Variants in TLE1 observed in about 807,000 individuals in gnomAD.
The protein encoded by TLE1 is transducin-like enhancer protein 1.
TLE1 carries 21 observed loss-of-function variants against 89.8 expected under a neutral mutation model. The observed-to-expected ratio is 0.23, with a 90% CI of 0.17 to 0.34. The LOEUF (loss-of-function observed/expected upper bound fraction) is 0.34, where lower values mean the gene tolerates loss of function less well. Ranked by LOEUF, TLE1 falls within the 10% of genes least tolerant of loss-of-function variation. The pLI, the probability that TLE1 is intolerant of heterozygous loss-of-function variation, is 1.00. For missense variants in TLE1, 795 were observed against 1,031.2 expected (o/e 0.77, Z 3.14); for synonymous variants, 447 against 407.6 (o/e 1.10, Z -1.16).
intron 17 of TLE1, 27 bp from the exon 18 acceptor site, chr9:81,585,682 A>G (rs778442298): frequency 1.2e-6 from 2 of 1,611,560 alleles, no homozygotes; most frequent in Non-Finnish European, 1.7e-6. Context: ...AGGCTCACTC[A>G]TTATTCCGCC....
chr9:81,630,091 C>T (rs1358569060), intron 8 of TLE1, among the ~76,000 whole-genome samples: 8 of 151,622 alleles, frequency 5.3e-5, no homozygotes, highest in African/African-American at 1.9e-4. Flanking sequence ...CTGATTTCTG[C>T]ACTTGGTATA....
chr9:81,655,059 G>T (rs115504888), intron 4 of TLE1, among the ~76,000 whole-genome samples: 2 of 152,058 alleles, frequency 1.3e-5, no homozygotes, highest in Admixed American at 1.3e-4. Context: ...TCTATAGCAC[G>T]GGCTGTTTTA....
At chr9:81,652,140 T>TA in intron 6 of TLE1, 74 bp downstream of exon 6, 1 of 858,566 alleles carries the variant, frequency 1.2e-6, no homozygotes, top group Non-Finnish European at 1.7e-6. Flanking sequence ...CACACACACG[T>TA]AAAGCCATCA....
At chr9:81,603,529 G>A (rs901292900) in intron 14 of TLE1, among the ~76,000 whole-genome samples, 1 of 152,126 alleles carries the variant, frequency 6.6e-6, no homozygotes, top group Non-Finnish European at 1.5e-5. Context: ...CTTATCACCA[G>A]AGTCTGGGAA....
intron 14 of TLE1, 22 bp downstream of exon 14, chr9:81,610,198 C>T (rs773369890): frequency 1.4e-5 from 22 of 1,607,924 alleles, no homozygotes; most frequent in Non-Finnish European, 1.8e-5. Flanking sequence ...TAAAACAAAA[C>T]CAAGGTCTTT....
intron 6 of TLE1, among the ~76,000 whole-genome samples, chr9:81,646,148 AAT>A (rs1161382727): frequency 2.0e-5 from 3 of 152,208 alleles, no homozygotes; most frequent in Non-Finnish European, 2.9e-5. Context: ...AAAGGAAAGA[AAT>A]ATGTGGGGAA....
chr9:81,681,943 G>C (rs539853562), intron 4 of TLE1, among the ~76,000 whole-genome samples: 1 of 152,230 alleles, frequency 6.6e-6, no homozygotes, highest in Non-Finnish European at 1.5e-5. Flanking sequence ...CAGCATGAGG[G>C]GATAGGAAGA....
intron 13 of TLE1, 67 bp from the exon 14 acceptor site, chr9:81,610,363 T>C (rs1823542684): frequency 6.0e-6 from 7 of 1,176,202 alleles, no homozygotes; most frequent in Non-Finnish European, 3.7e-6. Flanking sequence ...ACATCAATAC[T>C]GTTCATTAGA....
chr9:81,666,783 A>ATAAG (rs79025567), intron 4 of TLE1, among the ~76,000 whole-genome samples: 1 of 126,524 alleles, frequency 7.9e-6, no homozygotes, highest in Non-Finnish European at 1.9e-5. Context: ...CACAAAATAA[A>ATAAG]TAAATAAATA....
rs769857494 is a variant in TLE1 at position 81,620,541 on chromosome 9, A to G, written c.611T>C (p.Val204Ala). The G allele has an allele frequency of 1.2e-6, 2 of 1,611,474 alleles. No homozygotes were observed. The highest frequency in any genetic ancestry group is 1.7e-6 in the Non-Finnish European group (2 of 1,179,420). ...REPGTSNSLL[V>A]PDSLRGTDKR... is the part of the protein sequence containing the mutation. ...ATCTGTGCCTCTTAGACTGTCTGGG[A>G]CCAGGAGGGAATTACTCTGCAAGAC... is the stretch of plus-strand genomic sequence containing the variant. Residue 204 changes from valine (V) to alanine (A), a missense_variant, in exon 9 of 20, where the codon GTC becomes GCC. Transcript: ENST00000376499.
chr9:81,647,193 G>C (rs1223850914), intron 6 of TLE1, among the ~76,000 whole-genome samples: 1 of 152,156 alleles, frequency 6.6e-6, no homozygotes, highest in Admixed American at 6.5e-5. Context: ...GTGGACGGGA[G>C]GACAGTCCCC....
At chr9:81,678,302 T>C (rs1833156188) in intron 4 of TLE1, among the ~76,000 whole-genome samples, 2 of 152,190 alleles carry the variant, frequency 1.3e-5, no homozygotes, top group Non-Finnish European at 1.5e-5. Flanking sequence ...TCCCCACTCC[T>C]GGGATCAAAA....
intron 4 of TLE1, among the ~76,000 whole-genome samples, chr9:81,683,491 C>G (rs1192595918): frequency 6.6e-6 from 1 of 152,128 alleles, no homozygotes; most frequent in Non-Finnish European, 1.5e-5. Context: ...TGGCTACACC[C>G]TGGGGGCCAG....
At position 81,689,505 on chromosome 9, in the gene TLE1, T is replaced by TCCCACCGCCGCCGCC. The variant is rs1263804037; in HGVS notation, c.-1280_-1266dup. Among the ~76,000 whole-genome samples the TCCCACCGCCGCCGCC allele has an allele frequency of 5.3e-5, 8 of 152,000 alleles. No individual in the cohort carries two copies. The highest frequency in any genetic ancestry group is 2.0e-4 in the East Asian group (1 of 5,126). The stretch of plus-strand genomic sequence containing the variant: ...CTGCTGCTGCTTCTGCAGCCGCCGC[T>TCCCACCGCCGCCGCC]CCCACCGCCGCCGCCGCCCGCGCCT... On this transcript the variant is annotated 5_prime_UTR_variant, in exon 1 of 20. Transcript: ENST00000376499.
rs964976342 is a variant in TLE1, at chr9:81,633,495, A to G, written c.578-131T>C. On this transcript the variant is annotated intron_variant, in intron 7 of 19. Transcript: ENST00000376499. ...AGTTTTAAAAATGGCTTTTATTTAT[A>G]TAAGTCATTGCACATTCCTAATACA... is the stretch of plus-strand genomic sequence containing the variant. The G allele has an allele frequency of 3.2e-5, 41 of 1,266,672 alleles. No individual in the cohort carries two copies. In the Admixed American group the frequency reaches 6.2e-4, roughly 19 times the overall value. The allele number at this position is 1,266,672 out of a possible 1,614,324, so 78.5% of individuals were successfully genotyped here.
intron 4 of TLE1, among the ~76,000 whole-genome samples, chr9:81,674,118 CCACA>C (rs1438510527): frequency 6.6e-6 from 1 of 152,122 alleles, no homozygotes; most frequent in African/African-American, 2.4e-5. Flanking sequence ...CTAGATGTTC[CCACA>C]CAGAGAAAGA....
intron 14 of TLE1, 108 bp from the exon 15 acceptor site, chr9:81,593,382 T>G: frequency 7.3e-7 from 1 of 1,364,670 alleles, no homozygotes; most frequent in Non-Finnish European, 9.8e-7. Context: ...AAAGGAAAGA[T>G]TCTCTTGTAT....
At chr9:81,628,093 A>G (rs1826119732) in intron 8 of TLE1, among the ~76,000 whole-genome samples, 1 of 152,210 alleles carries the variant, frequency 6.6e-6, no homozygotes, top group African/African-American at 2.4e-5. Flanking sequence ...TAAAAAACAA[A>G]TAGGAGAGAA....
At chr9:81,613,569 A>G (rs771460239) in intron 11 of TLE1, 48 bp from the exon 12 acceptor site, 4 of 1,597,762 alleles carry the variant, frequency 2.5e-6, no homozygotes, top group Non-Finnish European at 2.6e-6. Context: ...AATCCAAGCC[A>G]TATTACACAA....
Sources: gnomAD v4.1 joint callset for allele counts (sites outside exome capture counted in the v4.1 genomes callset) on GRCh38, gnomAD v4.1.1 for gene constraint, MANE v1.5 for transcripts, NCBI Gene and HGNC (gene_info 2026-07-23, HGNC 2026-07-21) for gene names.